Variants in ZFAT observed in about 807,000 individuals in gnomAD.
ZFAT encodes zinc finger protein ZFAT.
A neutral mutation model predicts 117.7 loss-of-function variants in ZFAT; 64 were observed. The observed-to-expected ratio is 0.54, with a 90% confidence interval of 0.44 to 0.67. ZFAT has a LOEUF of 0.67. ZFAT is among the 30% of genes least tolerant of loss of function. The pLI is 0.00. For missense variants in ZFAT, 1,433 were observed against 1,584.5 expected, an observed-to-expected ratio of 0.90 and a Z score of 1.62; for synonymous variants, 679 against 615.0, an observed-to-expected ratio of 1.10 and a Z score of -1.54.
chr8:134,627,710 A>C (rs1829610204), intron 3 of ZFAT, among the ~76,000 whole-genome samples: 1 of 152,134 alleles, frequency 6.6e-6, no homozygotes, highest in African/African-American at 2.4e-5. Flanking sequence ...GCTGTATGAG[A>C]ATCCATATTT....
chr8:134,767,803 T>C, the ZFAT span, among the ~76,000 whole-genome samples: 1 of 152,266 alleles, frequency 6.6e-6, no homozygotes, highest in East Asian at 1.9e-4. Flanking sequence ...ATTTTTACTA[T>C]GTTGTAAATT....
intron 2 of ZFAT, among the ~76,000 whole-genome samples, chr8:134,641,347 G>A (rs1243091960): frequency 8.5e-5 from 13 of 152,148 alleles, no homozygotes; most frequent in South Asian, 4.2e-4. Context: ...GAGAATCCCC[G>A]TCTCTTTTCA....
the ZFAT span, among the ~76,000 whole-genome samples, chr8:134,743,005 T>C: frequency 0.4 from 61,450 of 152,094 alleles, 12,950 homozygotes; most frequent in African/African-American, 0.52. Flanking sequence ...CAAAGTCCAT[T>C]GGACTGTCAC....
chr8:134,595,456 G>A (rs1417710867), intron 7 of ZFAT, among the ~76,000 whole-genome samples: 3 of 152,014 alleles, frequency 2.0e-5, no homozygotes, highest in East Asian at 1.9e-4. Flanking sequence ...TTTTATCTCC[G>A]TTTTTATAGA....
chr8:134,826,149 C>T, the ZFAT span, among the ~76,000 whole-genome samples: 1 of 152,070 alleles, frequency 6.6e-6, no homozygotes, highest in Non-Finnish European at 1.5e-5. Flanking sequence ...GGGCACATTC[C>T]AGATTCCCTA....
chr8:134,499,801 C>T (rs1315617517), intron 15 of ZFAT, among the ~76,000 whole-genome samples: 3 of 152,204 alleles, frequency 2.0e-5, no homozygotes, highest in African/African-American at 7.2e-5. Flanking sequence ...GCCAGAGGGA[C>T]ATTTGAGGCC....
At chr8:134,684,092 AC>A (rs1476145860) in intron 1 of ZFAT, among the ~76,000 whole-genome samples, 1 of 152,122 alleles carries the variant, frequency 6.6e-6, no homozygotes, top group Non-Finnish European at 1.5e-5. Context: ...AGCCAAGGAA[AC>A]TGGTCTGAAA....
the ZFAT span, among the ~76,000 whole-genome samples, chr8:134,745,991 G>A: frequency 1.3e-5 from 2 of 152,154 alleles, no homozygotes; most frequent in Non-Finnish European, 2.9e-5. Context: ...CCCTTTGCCT[G>A]TGCTCTTCCT....
At chr8:134,727,416 C>T in the ZFAT span, among the ~76,000 whole-genome samples, 2 of 152,152 alleles carry the variant, frequency 1.3e-5, no homozygotes, top group African/African-American at 4.8e-5. Context: ...AGGAAAGGGT[C>T]CTGTCACTGC....
the ZFAT span, among the ~76,000 whole-genome samples, chr8:134,731,393 C>T: frequency 6.6e-6 from 1 of 152,172 alleles, no homozygotes; most frequent in African/African-American, 2.4e-5. Context: ...TATATTCACA[C>T]AATGGAATAT....
At chr8:134,818,523 G>C in the ZFAT span, among the ~76,000 whole-genome samples, 1 of 152,176 alleles carries the variant, frequency 6.6e-6, no homozygotes, top group South Asian at 2.1e-4. Context: ...GAAAACCACT[G>C]GCAGTTTAAG....
At position 134,478,856 on chromosome 8, in the gene ZFAT, C is replaced by G; in HGVS notation, c.3493-135G>C. 7.4e-7 allele frequency: 1 copy of G among 1,342,818 alleles called. No homozygotes were observed. The highest frequency in any genetic ancestry group is 1.0e-6 in the Non-Finnish European group (1 of 998,546). 83.2% of individuals were successfully genotyped at this position (1,342,818 alleles called of 1,614,324 possible). On this transcript the variant is annotated intron_variant, in intron 15 of 15. Coordinates refer to ENST00000377838, the MANE Select transcript of ZFAT (RefSeq NM_020863.4). The surrounding 1 kb of genome is among the most constrained non-coding windows in gnomAD (Gnocchi z 5.2). ...TCCATTCTCCACGGATCCTCTCTAC[C>G]AGGCTGTGCTTGCTCTCATGCCCAT...
At chr8:134,499,230 T>C (rs1158059466) in intron 15 of ZFAT, among the ~76,000 whole-genome samples, 6 of 113,848 alleles carry the variant, frequency 5.3e-5, no homozygotes, top group East Asian at 3.0e-4. Context: ...GATGCCCCCG[T>C]TGCTGGTTAC....
intron 14 of ZFAT, among the ~76,000 whole-genome samples, chr8:134,511,951 C>A (rs76660895): frequency 0.017 from 2,599 of 152,256 alleles, 81 homozygotes; most frequent in African/African-American, 0.06. Context: ...ACCCACTGAG[C>A]CCACACCACC....
intron 15 of ZFAT, among the ~76,000 whole-genome samples, chr8:134,486,686 G>A (rs955941698): frequency 6.6e-6 from 1 of 152,126 alleles, no homozygotes; most frequent in Non-Finnish European, 1.5e-5. Context: ...GTGTTTCAGG[G>A]GAGGAGGACG....
At chr8:134,784,792 T>G in the ZFAT span, 1 of 152,218 alleles carries the variant, frequency 6.6e-6, no homozygotes, top group African/African-American at 2.4e-5. Flanking sequence ...GTTCATAAAC[T>G]GCATTTATTA....
intron 1 of ZFAT, among the ~76,000 whole-genome samples, chr8:134,686,278 G>C (rs1833320927): frequency 6.6e-6 from 1 of 152,206 alleles, no homozygotes; most frequent in African/African-American, 2.4e-5. Context: ...CCAGGGTCCA[G>C]GTGGCATGCT....
intron 10 of ZFAT, among the ~76,000 whole-genome samples, chr8:134,580,446 T>C (rs981783336): frequency 3.3e-5 from 5 of 152,166 alleles, no homozygotes; most frequent in African/African-American, 7.2e-5. Context: ...AGGTGACCAA[T>C]GGATTCAAAG....
At chr8:134,663,407 G>A (rs1361224362) in intron 1 of ZFAT, among the ~76,000 whole-genome samples, 1 of 152,158 alleles carries the variant, frequency 6.6e-6, no homozygotes, top group Non-Finnish European at 1.5e-5. Context: ...TGGAAGGAAG[G>A]AGAGCTGGCC....
Sources: allele counts gnomAD v4.1 joint callset (sites outside exome capture counted in the v4.1 genomes callset), GRCh38; gene constraint gnomAD v4.1.1; non-coding constraint Gnocchi (gnomAD v3.1); transcripts MANE v1.5; gene names NCBI Gene and HGNC (gene_info 2026-07-23, HGNC 2026-07-21).